MAL: variants seen among roughly 807,000 people sequenced by gnomAD.
MAL encodes the protein mal, T cell differentiation protein (MAL blood group).
In MAL, 5 loss-of-function variants were observed where a neutral mutation model predicts 16.7. The ratio of observed to expected loss-of-function variants is 0.30; its 90% CI spans 0.16 to 0.63. The LOEUF (loss-of-function observed/expected upper bound fraction) is 0.63. Ranked by LOEUF, MAL falls within the 30% of genes least tolerant of loss-of-function variation. The probability of loss-of-function intolerance (pLI) is 0.82; values close to 1 mark genes in which losing one functional copy is unlikely to be tolerated. For synonymous variants in MAL, 96 were observed against 85.5 expected (o/e 1.12, Z -0.67); for missense variants, 202 against 195.8 (o/e 1.03, Z -0.19).
rs1293634448 is a variant in MAL, at chr2:95,025,936, C to G, written c.93+51C>G. On this transcript the variant is annotated intron_variant, in intron 1 of 3. Transcript: ENST00000309988. The surrounding 1 kb of genome is among the most constrained non-coding windows in gnomAD (Gnocchi z 5.6). ...GACGGGGTGGGCTGAGCCGTGCGCT[C>G]TCTCGGGCGCCCAGCACAGCTGTCG... 1 of 1,454,316 alleles carries G rather than the reference C, an allele frequency of 6.9e-7. No homozygotes were observed. The highest frequency in any genetic ancestry group is 9.3e-7 in the Non-Finnish European group (1 of 1,076,502). The allele number at this position is 1,454,316 out of a possible 1,614,324, so 90.1% of individuals were successfully genotyped here.
chr2:95,043,965 G>A (rs1219322173), intron 1 of MAL, among the ~76,000 whole-genome samples: 10 of 152,196 alleles, frequency 6.6e-5, no homozygotes, highest in South Asian at 4.1e-4. Context: ...GTGTAAGAGC[G>A]TCCCTAGGAA....
rs143231192 is a variant in MAL at position 95,053,360 on chromosome 2, G to A, written c.388-21G>A. The A allele has an allele frequency of 8.2e-5, 128 of 1,566,710 alleles. 1 individual carries two copies. The South Asian group carries it at 1.2e-3, about 15-fold the overall frequency. ...GCCCTCCCTACACAAACCCATTAACGGCCATTTCTCTTGGTTCCAGGTGTT... is the reference window on the plus strand; with the variant it reads ...GCCCTCCCTACACAAACCCATTAACAGCCATTTCTCTTGGTTCCAGGTGTT... On this transcript the variant is annotated intron_variant, in intron 3 of 3. Transcript: ENST00000309988.
At chr2:95,031,994 T>C (rs1217140542) in intron 1 of MAL, among the ~76,000 whole-genome samples, 2 of 152,218 alleles carry the variant, frequency 1.3e-5, no homozygotes, top group African/African-American at 2.4e-5. Context: ...CTCCACAGGA[T>C]TGTCAGACAT....
intron 1 of MAL, among the ~76,000 whole-genome samples, chr2:95,033,817 AGACACAAGAGGTAACT>A (rs1261962234): frequency 1.3e-5 from 2 of 152,094 alleles, no homozygotes; most frequent in African/African-American, 4.8e-5. Context: ...AGCTGACCCT[AGACACAAGAGGTAACT>A]GTCACACCCA....
chr2:95,036,415 T>C (rs537545043), intron 1 of MAL, among the ~76,000 whole-genome samples: 44 of 152,308 alleles, frequency 2.9e-4, no homozygotes, highest in African/African-American at 1.0e-3. Flanking sequence ...ACTGACACTT[T>C]CACCAGGCCT....
At chr2:95,028,660 A>G (rs1285719747) in intron 1 of MAL, among the ~76,000 whole-genome samples, 2 of 152,250 alleles carry the variant, frequency 1.3e-5, no homozygotes, top group Non-Finnish European at 2.9e-5. Flanking sequence ...CCCAGTGGCC[A>G]TCAGCAATGA....
At chr2:95,036,970 CGAGTGAGTGAGTGACT>C (rs1674231241) in intron 1 of MAL, among the ~76,000 whole-genome samples, 1 of 53,090 alleles carries the variant, frequency 1.9e-5, no homozygotes, top group African/African-American at 7.7e-5. Context: ...ACTGAGTGAC[CGAGTGAGTGAGTGACT>C]GAGTGAGTGA....
At chr2:95,039,882 C>A (rs1299301352) in intron 1 of MAL, among the ~76,000 whole-genome samples, 2 of 152,152 alleles carry the variant, frequency 1.3e-5, no homozygotes, top group African/African-American at 2.4e-5. Flanking sequence ...CCTCTCAGAA[C>A]TGGAACAGAG....
At chr2:95,042,652 C>G (rs1276662498) in intron 1 of MAL, among the ~76,000 whole-genome samples, 1 of 152,168 alleles carries the variant, frequency 6.6e-6, no homozygotes, top group African/African-American at 2.4e-5. Context: ...GAAGTCTGGC[C>G]AGTTGGCAGA....
intron 1 of MAL, among the ~76,000 whole-genome samples, chr2:95,031,706 A>G (rs1344568087): frequency 6.6e-6 from 1 of 152,194 alleles, no homozygotes; most frequent in African/African-American, 2.4e-5. Flanking sequence ...CTTGGCCAGA[A>G]TGGGATGGTG....
At chr2:95,032,464 T>A (rs1308975555) in intron 1 of MAL, among the ~76,000 whole-genome samples, 1 of 152,122 alleles carries the variant, frequency 6.6e-6, no homozygotes, top group African/African-American at 2.4e-5. Flanking sequence ...GCCCCTCCAG[T>A]GTCAGTGCCG....
intron 1 of MAL, among the ~76,000 whole-genome samples, chr2:95,040,250 T>G (rs567041973): frequency 6.6e-5 from 10 of 151,940 alleles, no homozygotes; most frequent in Non-Finnish European, 2.9e-5. Flanking sequence ...ACCATACACA[T>G]ACATACACAT....
intron 2 of MAL, 68 bp downstream of exon 2, chr2:95,048,194 G>A: frequency 6.8e-7 from 1 of 1,472,284 alleles, no homozygotes; most frequent in Non-Finnish European, 9.5e-7. Flanking sequence ...TGGCCCAGTA[G>A]GATGGGCTTT....
intron 1 of MAL, among the ~76,000 whole-genome samples, chr2:95,035,836 A>AT (rs1209269930): frequency 2.6e-5 from 4 of 151,780 alleles, no homozygotes; most frequent in Non-Finnish European, 5.9e-5. Context: ...CACCCGGCTA[A>AT]TTTTTTGTAT....
chr2:95,027,260 G>A (rs1673966001), intron 1 of MAL, among the ~76,000 whole-genome samples: 1 of 152,108 alleles, frequency 6.6e-6, no homozygotes, highest in East Asian at 1.9e-4. Flanking sequence ...AAAGGTGACC[G>A]GAGACTCCCA....
rs979371639 is a variant in MAL at position 95,033,904 on chromosome 2, C to T, written c.93+8019C>T. Among the ~76,000 whole-genome samples, 28 of 152,314 alleles carry T rather than the reference C, an allele frequency of 1.8e-4. 1 individual carries two copies. The highest frequency in any genetic ancestry group is 3.9e-4 in the Admixed American group (6 of 15,294). ...AAGGAGCACCCGGCAGCTGTGGGAACGTGGGCAGGTAACTGTGCCTCAGTT... is the reference window on the plus strand; with the variant it reads ...AAGGAGCACCCGGCAGCTGTGGGAATGTGGGCAGGTAACTGTGCCTCAGTT... On this transcript the variant is annotated intron_variant, in intron 1 of 3. Coordinates refer to ENST00000309988, the MANE Select transcript of MAL (RefSeq NM_002371.4).
Position 95,031,338 on chromosome 2 carries a change from G to A in MAL, c.93+5453G>A, listed in dbSNP as rs78440397. ...CCTTCTCTCCCCCAACAGGAATGAA[G>A]GGACAGCTCAGGACCACTGGGAAGC... On this transcript the variant is annotated intron_variant, in intron 1 of 3. Coordinates refer to ENST00000309988, the MANE Select transcript of MAL (RefSeq NM_002371.4). Among the ~76,000 whole-genome samples, 35 of 152,270 alleles carry A rather than the reference G, an allele frequency of 2.3e-4. No individual in the cohort carries two copies. In the East Asian group the frequency reaches 6.8e-3, roughly 29 times the overall value.
rs1434876829 is a variant in MAL, at chr2:95,049,612, T to G, written c.293T>G (p.Phe98Cys). The G allele has an allele frequency of 1.9e-6, 3 of 1,614,030 alleles. No homozygotes were observed. Among genetic ancestry groups the G allele is most frequent in the Admixed American group, 3.3e-5 (2 of 60,006 alleles). Residue 98 changes from phenylalanine to cysteine, a missense_variant, in exon 3 of 4, where the codon TTT becomes TGT. Physicochemically the swap from Phe to Cys is radical, Grantham distance 205. Transcript: ENST00000309988. ...GCCTACCACTGCACCGCTGCCCTCT[T>G]TTACCTCAGCGCCTCAGTCCTGGAG... ...DAAYHCTAAL[F>C]YLSASVLEAL...
chr2:95,044,419 A>G (rs568514862), intron 1 of MAL: 1 of 152,342 alleles, frequency 6.6e-6, no homozygotes, highest in South Asian at 2.1e-4. Context: ...TAGCTCATAA[A>G]GCTGTTTAAG....
Sources: gnomAD v4.1 joint callset for allele counts (sites outside exome capture counted in the v4.1 genomes callset) on GRCh38, gnomAD v4.1.1 for gene constraint, Gnocchi (gnomAD v3.1) non-coding constraint, MANE v1.5 for transcripts, NCBI Gene and HGNC (gene_info 2026-07-23, HGNC 2026-07-21) for gene names.